Variants in FBXL17 observed in about 807,000 individuals in gnomAD.
FBXL17 encodes F-box and leucine rich repeat protein 17.
Under a neutral mutation model 66.2 loss-of-function variants are expected in FBXL17, and 22 were observed. That is an observed-to-expected ratio of 0.33 (90% CI 0.24 to 0.47). The LOEUF (loss-of-function observed/expected upper bound fraction) is 0.47. FBXL17 is among the 20% of genes least tolerant of loss of function. The pLI is 1.00. For missense variants in FBXL17, 878 were observed against 948.2 expected, an observed-to-expected ratio of 0.93 and a Z score of 0.97; for synonymous variants, 474 against 400.5, an observed-to-expected ratio of 1.18 and a Z score of -2.19.
At chr5:108,044,930 T>C (rs1439213101) in intron 6 of FBXL17, among the ~76,000 whole-genome samples, 2 of 152,162 alleles carry the variant, frequency 1.3e-5, no homozygotes, top group Non-Finnish European at 2.9e-5. Context: ...GTGTGTAGAA[T>C]TGTTTATTGT....
intron 7 of FBXL17, among the ~76,000 whole-genome samples, chr5:107,882,801 A>C (rs1435380811): frequency 6.6e-6 from 1 of 152,186 alleles, no homozygotes; most frequent in Non-Finnish European, 1.5e-5. Flanking sequence ...CAAAGTGCTC[A>C]AACTATGATT....
intron 6 of FBXL17, among the ~76,000 whole-genome samples, chr5:108,133,245 A>G (rs1475763752): frequency 2.0e-5 from 3 of 152,052 alleles, no homozygotes; most frequent in Admixed American, 1.3e-4. Context: ...ATCTTTTTCT[A>G]TTTGTGTATC....
rs559135555 is a variant in FBXL17, at chr5:108,116,334, G to A, written c.1745+69783C>T. ...GTAGTGAATATCATTAATTCAAATC[G>A]GGCAATTAAAAATAATAAAATAGGG... On this transcript the variant is annotated intron_variant, in intron 6 of 8. Transcript: ENST00000542267. Among the ~76,000 whole-genome samples the A allele has an allele frequency of 3.3e-5, 5 of 151,860 alleles. No individual in the cohort carries two copies. In the South Asian group the frequency reaches 8.3e-4, roughly 25 times the overall value.
intron 4 of FBXL17, among the ~76,000 whole-genome samples, chr5:108,335,131 G>A (rs1760316752): frequency 6.6e-6 from 1 of 151,754 alleles, no homozygotes; most frequent in South Asian, 2.1e-4. Context: ...AGAAAAATCA[G>A]ATCAAATATT....
At chr5:108,230,099 G>C (rs1755263043) in intron 4 of FBXL17, among the ~76,000 whole-genome samples, 1 of 152,154 alleles carries the variant, frequency 6.6e-6, no homozygotes, top group Non-Finnish European at 1.5e-5. Flanking sequence ...GGTTAAAAGG[G>C]AACACTTCTA....
intron 3 of FBXL17, among the ~76,000 whole-genome samples, chr5:108,358,815 C>G: frequency 6.6e-6 from 1 of 152,038 alleles, no homozygotes; most frequent in East Asian, 1.9e-4. Flanking sequence ...GGTCCTTAGT[C>G]TTTCTTCATT....
intron 7 of FBXL17, among the ~76,000 whole-genome samples, chr5:107,943,382 T>C (rs1409482259): frequency 6.6e-6 from 1 of 152,130 alleles, no homozygotes; most frequent in Non-Finnish European, 1.5e-5. Flanking sequence ...ACCACCTTAG[T>C]TGAAGCCATG....
intron 4 of FBXL17, among the ~76,000 whole-genome samples, chr5:108,311,918 T>G (rs1424588595): frequency 1.3e-5 from 2 of 152,136 alleles, no homozygotes; most frequent in Non-Finnish European, 2.9e-5. Flanking sequence ...TTCTAGTTAG[T>G]CCCTTTAGCT....
intron 7 of FBXL17, among the ~76,000 whole-genome samples, chr5:107,993,142 A>G (rs1311800712): frequency 1.3e-5 from 2 of 151,912 alleles, no homozygotes; most frequent in African/African-American, 2.4e-5. Flanking sequence ...TGATCCACCC[A>G]CCTTGGCCTC....
At chr5:108,134,150 A>G (rs1751043029) in intron 6 of FBXL17, among the ~76,000 whole-genome samples, 2 of 152,158 alleles carry the variant, frequency 1.3e-5, no homozygotes, top group Non-Finnish European at 2.9e-5. Context: ...TGCCAATGGC[A>G]AACAACTCTA....
At position 107,861,732 on chromosome 5, in the gene FBXL17, G is replaced by C; in HGVS notation, c.2094C>G (p.Ala698=). The stretch of plus-strand genomic sequence containing the variant: ...CGAGGCAGGAGCGCTAGGAGGAGGC[G>C]GCAGACATGTTGGGGGTCCAGCCCA... ...YQMGWTPNMS[A]ASS is the part of the protein sequence containing the mutation. Residue 698 remains alanine (A), a synonymous_variant, in exon 9 of 9, where the codon GCC becomes GCG. Coordinates refer to ENST00000542267, the MANE Select transcript of FBXL17 (RefSeq NM_001163315.3). 6.3e-7 allele frequency: 1 copy of C among 1,576,676 alleles called. No homozygotes were observed. Among genetic ancestry groups the C allele is most frequent in the Non-Finnish European group, 8.6e-7 (1 of 1,158,514 alleles).
intron 4 of FBXL17, among the ~76,000 whole-genome samples, chr5:108,225,862 C>T (rs990672366): frequency 2.6e-5 from 4 of 152,188 alleles, no homozygotes; most frequent in African/African-American, 4.8e-5. Flanking sequence ...CAGTATCTGA[C>T]ACAACTGATG....
chr5:108,224,073 C>T (rs777949377), intron 5 of FBXL17, 48 bp downstream of exon 5: 1 of 944,360 alleles, frequency 1.1e-6, no homozygotes, highest in Non-Finnish European at 1.7e-6. Flanking sequence ...GGGCTCATCA[C>T]CTGTATGATA....
At chr5:108,247,315 G>A (rs887131423) in intron 4 of FBXL17, among the ~76,000 whole-genome samples, 3 of 151,922 alleles carry the variant, frequency 2.0e-5, no homozygotes, top group African/African-American at 7.3e-5. Flanking sequence ...AATGAGGTAG[G>A]GACCATTGTA....
chr5:108,184,687 T>C (rs1023161008), intron 6 of FBXL17, among the ~76,000 whole-genome samples: 1 of 129,926 alleles, frequency 7.7e-6, no homozygotes, highest in Non-Finnish European at 1.5e-5. Context: ...GAGGCTGAAG[T>C]GAGCAGAGAT....
chr5:107,880,736 T>C (rs1399121948), intron 8 of FBXL17: 22 of 1,286,756 alleles, frequency 1.7e-5, no homozygotes, highest in African/African-American at 3.0e-5. Flanking sequence ...TGTAATCTTT[T>C]ACATTTTGGT....
chr5:108,350,725 G>A (rs533995519), intron 3 of FBXL17, among the ~76,000 whole-genome samples: 4 of 152,224 alleles, frequency 2.6e-5, no homozygotes, highest in East Asian at 1.9e-4. Flanking sequence ...TTCTGTACTC[G>A]GGATTCAGAT....
At chr5:108,073,300 T>C (rs1387551130) in intron 6 of FBXL17, among the ~76,000 whole-genome samples, 2 of 152,044 alleles carry the variant, frequency 1.3e-5, no homozygotes, top group Non-Finnish European at 2.9e-5. Flanking sequence ...GTGAAGAGAA[T>C]ACATATTTTA....
chr5:107,919,531 A>G (rs1449335780), intron 7 of FBXL17, among the ~76,000 whole-genome samples: 2 of 152,136 alleles, frequency 1.3e-5, no homozygotes, highest in Non-Finnish European at 2.9e-5. Flanking sequence ...TACACGCTCC[A>G]GTGTCTTTTA....
Sources: gnomAD v4.1 joint callset for allele counts (sites outside exome capture counted in the v4.1 genomes callset) on GRCh38, gnomAD v4.1.1 for gene constraint, MANE v1.5 for transcripts, NCBI Gene and HGNC (gene_info 2026-07-23, HGNC 2026-07-21) for gene names.